Variants in NRG3 observed in about 807,000 individuals in gnomAD.
NRG3 encodes the protein pro-neuregulin-3, membrane-bound isoform.
In NRG3, 31 loss-of-function variants were observed where a neutral mutation model predicts 66.9. The observed-to-expected ratio is 0.46, with a 90% CI of 0.35 to 0.63. The LOEUF (loss-of-function observed/expected upper bound fraction) is 0.63. NRG3 is among the 20% of genes least tolerant of loss of function. The pLI is 0.00. For synonymous variants in NRG3, 393 were observed against 359.4 expected (o/e 1.09, Z -1.06); for missense variants, 910 against 878.9 (o/e 1.04, Z -0.45).
chr10:82,049,578 T>A (rs1367019655), intron 1 of NRG3, among the ~76,000 whole-genome samples: 1 of 152,154 alleles, frequency 6.6e-6, no homozygotes, highest in East Asian at 1.9e-4. Flanking sequence ...ATGTTGTTTC[T>A]GCTTTTTCTT....
chr10:82,803,868 G>A (rs553422995), intron 3 of NRG3, among the ~76,000 whole-genome samples: 12 of 151,822 alleles, frequency 7.9e-5, no homozygotes, highest in African/African-American at 2.4e-4. Context: ...TTCACTTTAC[G>A]GTTTTAGTTC....
chr10:82,758,341 G>C (rs887734605), intron 3 of NRG3, among the ~76,000 whole-genome samples: 1 of 152,018 alleles, frequency 6.6e-6, no homozygotes, highest in Non-Finnish European at 1.5e-5. Context: ...AAGTCTAACA[G>C]TTTTCTGTAT....
At chr10:82,339,120 C>G (rs544096813) in intron 1 of NRG3, among the ~76,000 whole-genome samples, 72 of 152,248 alleles carry the variant, frequency 4.7e-4, no homozygotes, top group Non-Finnish European at 2.4e-4. Context: ...AATCTGATTG[C>G]GTATCCCTAA....
At chr10:82,536,789 A>C (rs1847855030) in intron 2 of NRG3, among the ~76,000 whole-genome samples, 1 of 152,088 alleles carries the variant, frequency 6.6e-6, no homozygotes. Context: ...GATGACATCA[A>C]GGTAACTGGG....
At chr10:82,337,210 C>A (rs1197330389) in intron 1 of NRG3, among the ~76,000 whole-genome samples, 2 of 152,284 alleles carry the variant, frequency 1.3e-5, no homozygotes, top group East Asian at 3.9e-4. Flanking sequence ...TATTTTCTGT[C>A]TCTGTGGATT....
chr10:81,959,474 TCTATA>T (rs1441476434), intron 1 of NRG3, among the ~76,000 whole-genome samples: 4 of 152,086 alleles, frequency 2.6e-5, no homozygotes, highest in South Asian at 2.1e-4. Flanking sequence ...AAAAAAAAAA[TCTATA>T]CTATATTTGC....
chr10:82,526,204 A>C (rs890000779), intron 2 of NRG3, among the ~76,000 whole-genome samples: 9 of 150,748 alleles, frequency 6.0e-5, no homozygotes, highest in African/African-American at 2.2e-4. Flanking sequence ...AGGTAAATTA[A>C]CTTCAGAAAT....
At chr10:82,389,792 G>A (rs959636606) in intron 2 of NRG3, among the ~76,000 whole-genome samples, 1 of 152,164 alleles carries the variant, frequency 6.6e-6, no homozygotes, top group African/African-American at 2.4e-5. Flanking sequence ...TTATGTACCA[G>A]AACAATAGCT....
At chr10:82,054,224 G>A (rs2063730063) in intron 1 of NRG3, among the ~76,000 whole-genome samples, 1 of 152,170 alleles carries the variant, frequency 6.6e-6, no homozygotes, top group African/African-American at 2.4e-5. Context: ...GTGCAGTAAG[G>A]CAGAAGGAGG....
intron 1 of NRG3, among the ~76,000 whole-genome samples, chr10:82,021,714 A>G (rs2132756785): frequency 6.6e-6 from 1 of 152,142 alleles, no homozygotes; most frequent in East Asian, 1.9e-4. Flanking sequence ...AAGCAAGACA[A>G]CAGGAAGATA....
intron 4 of NRG3, among the ~76,000 whole-genome samples, chr10:82,922,135 A>G (rs915613118): frequency 1.3e-5 from 2 of 152,032 alleles, no homozygotes; most frequent in Non-Finnish European, 2.9e-5. Context: ...ACTGGGGGGA[A>G]GAGAACCGGA....
At chr10:82,276,333 A>G (rs990092210) in intron 1 of NRG3, among the ~76,000 whole-genome samples, 2 of 152,012 alleles carry the variant, frequency 1.3e-5, no homozygotes, top group African/African-American at 2.4e-5. Context: ...CAAAATTTGA[A>G]TAAACTGGCT....
At chr10:82,822,699 A>G (rs2062006281) in intron 3 of NRG3, among the ~76,000 whole-genome samples, 3 of 152,022 alleles carry the variant, frequency 2.0e-5, no homozygotes, top group Admixed American at 6.6e-5. Context: ...TTTGCAGAAA[A>G]TATGTCCAAT....
chr10:82,344,211 C>T (rs1378727756), intron 1 of NRG3, among the ~76,000 whole-genome samples: 1 of 149,206 alleles, frequency 6.7e-6, no homozygotes, highest in Non-Finnish European at 1.5e-5. Flanking sequence ...TATCCCTCCC[C>T]GCTCCCCACA....
At chr10:82,529,223 C>T (rs1325536598) in intron 2 of NRG3, among the ~76,000 whole-genome samples, 1 of 152,200 alleles carries the variant, frequency 6.6e-6, no homozygotes, top group Non-Finnish European at 1.5e-5. Context: ...ACTGCTAACT[C>T]TGTGGCTTCA....
At chr10:82,402,598 T>A (rs1168599725) in intron 2 of NRG3, among the ~76,000 whole-genome samples, 1 of 152,226 alleles carries the variant, frequency 6.6e-6, no homozygotes, top group East Asian at 1.9e-4. Flanking sequence ...CTTCTTCATC[T>A]TTCCAGGGAC....
At chr10:82,259,610 G>A (rs2077913860) in intron 1 of NRG3, among the ~76,000 whole-genome samples, 1 of 152,158 alleles carries the variant, frequency 6.6e-6, no homozygotes, top group African/African-American at 2.4e-5. Flanking sequence ...CTAGGATGGA[G>A]TTTGCAAACA....
chr10:82,856,756 C>CAAAAAAAAAAAAA (rs67224862), intron 3 of NRG3, among the ~76,000 whole-genome samples: 120 of 107,446 alleles, frequency 1.1e-3, no homozygotes, highest in East Asian at 1.5e-3. Context: ...AAAAAAAAAA[C>CAAAAAAAAAAAAA]AAAAAAAAAA....
chr10:82,844,486 A>C (rs1017341739), intron 3 of NRG3, among the ~76,000 whole-genome samples: 2 of 152,178 alleles, frequency 1.3e-5, no homozygotes, highest in African/African-American at 2.4e-5. Context: ...CTGGAGTTCA[A>C]GTTTGAGATA....
Sources: gnomAD v4.1 joint callset for allele counts (sites outside exome capture counted in the v4.1 genomes callset) on GRCh38, gnomAD v4.1.1 for gene constraint, MANE v1.5 for transcripts, NCBI Gene and HGNC (gene_info 2026-07-23, HGNC 2026-07-21) for gene names.